ABCC5: variants seen among roughly 807,000 people sequenced by gnomAD.
ABCC5 encodes the protein ATP-binding cassette sub-family C member 5.
A neutral mutation model predicts 160.9 loss-of-function variants in ABCC5; 61 were observed. The ratio of observed to expected loss-of-function variants is 0.38; its 90% CI spans 0.31 to 0.47. ABCC5 has a LOEUF of 0.47. ABCC5 is among the 20% of genes least tolerant of loss of function. ABCC5 has a pLI of 0.99. For missense variants in ABCC5, 1,308 were observed against 1,813.3 expected (o/e 0.72, Z 5.06); for synonymous variants, 666 against 700.6 (o/e 0.95, Z 0.78).
rs572325598 is a variant in ABCC5 at position 183,949,743 on chromosome 3, C to T, written c.3227+10G>A. 3.1e-6 allele frequency: 5 copies of T among 1,613,766 alleles called. No homozygotes were observed. Among genetic ancestry groups the T allele is most frequent in the African/African-American group, 1.3e-5 (1 of 75,058 alleles). ...CCCCTTTGAGGCCTCTAGCCCCCAT[C>T]AGGACAAACCTGTGCAGAAACTCCT... is the stretch of plus-strand genomic sequence containing the variant. On this transcript the variant is annotated intron_variant, in intron 22 of 29. Coordinates refer to ENST00000334444, the MANE Select transcript of ABCC5 (RefSeq NM_005688.4). The surrounding 1 kb of genome is among the most constrained non-coding windows in gnomAD (Gnocchi z 4.2).
At position 183,987,989 on chromosome 3, in the gene ABCC5, C is replaced by G. The variant is rs556476664; in HGVS notation, c.444-72G>C. 12 of 1,550,932 alleles carry G rather than the reference C, an allele frequency of 7.7e-6. No individual in the cohort carries two copies. In the East Asian group the frequency reaches 2.0e-4, roughly 26 times the overall value. ...GCACACCTAGCTCCCCGCCTGCCAC[C>G]ACTTTTTGTCTCCAGGTTTTGCCAC... On this transcript the variant is annotated intron_variant, in intron 4 of 29. Coordinates refer to ENST00000334444, the MANE Select transcript of ABCC5 (RefSeq NM_005688.4). The surrounding 1 kb of genome is among the most constrained non-coding windows in gnomAD (Gnocchi z 4.2).
Position 183,963,661 on chromosome 3 carries a change from T to C in ABCC5, c.2032-73A>G. 3 of 1,469,008 alleles carry C rather than the reference T, an allele frequency of 2.0e-6. No homozygotes were observed. The highest frequency in any genetic ancestry group is 2.8e-6 in the Non-Finnish European group (3 of 1,069,872). The allele number at this position is 1,469,008 out of a possible 1,614,324, so 91.0% of individuals were successfully genotyped here. A position where few individuals can be genotyped will look rare whatever the true frequency, so the allele number is the denominator to read the frequency against. On this transcript the variant is annotated intron_variant, in intron 14 of 29. Transcript: ENST00000334444. This position sits in a 1 kb window ranked among gnomAD's most constrained non-coding sequence, Gnocchi z 4.6. ...CAGCGTGGAGGGGTCACCCAGTCAC[T>C]TCTCTTCTTGCCCACCCAGACCAGC... is the stretch of plus-strand genomic sequence containing the variant.
intron 18 of ABCC5, 75 bp downstream of exon 18, chr3:183,953,011 T>C: frequency 3.4e-6 from 5 of 1,458,430 alleles, no homozygotes; most frequent in Non-Finnish European, 4.6e-6. Context: ...ACAGTTTCCC[T>C]AAGAATAGCC....
rs1160232278 is a variant in ABCC5 at position 183,961,567 on chromosome 3, C to A, written c.2323G>T (p.Gly775Cys). Residue 775 changes from glycine (G) to cysteine (C), a missense_variant, in exon 16 of 30, where the codon GGT becomes TGT. Physicochemically the swap from Gly to Cys is radical, Grantham distance 159. Transcript: ENST00000334444. Reference sequence around the variant, plus strand: ...TTATTAAAAATGGTAGCATAGTCACCATTTAAATTCATCAGTTCCTCATGG... The same window carrying A: ...TTATTAAAAATGGTAGCATAGTCACAATTTAAATTCATCAGTTCCTCATGG... ...GTHEELMNLN[G>C]DYATIFNNLL... 1.2e-5 allele frequency: 19 copies of A among 1,614,090 alleles called. No homozygotes were observed. Among genetic ancestry groups the A allele is most frequent in the Non-Finnish European group, 1.4e-5 (17 of 1,180,046 alleles).
chr3:183,985,730 AT>A (rs1473544645), intron 5 of ABCC5: 1 of 345,084 alleles, frequency 2.9e-6, no homozygotes, highest in Non-Finnish European at 5.6e-6. Flanking sequence ...ACTGTTAGAG[AT>A]TCTGGTACTC....
At chr3:184,001,833 G>T (rs1307798864) in intron 2 of ABCC5, among the ~76,000 whole-genome samples, 1 of 152,082 alleles carries the variant, frequency 6.6e-6, no homozygotes, top group East Asian at 1.9e-4. Flanking sequence ...CAAGATGAGG[G>T]GACCCATTTC....
At chr3:183,999,737 C>T (rs574318468) in intron 2 of ABCC5, among the ~76,000 whole-genome samples, 1 of 152,042 alleles carries the variant, frequency 6.6e-6, no homozygotes, top group Non-Finnish European at 1.5e-5. Context: ...CATGATTGCA[C>T]CTCTGCACCC....
intron 11 of ABCC5, 77 bp downstream of exon 11, chr3:183,971,486 A>G: frequency 2.2e-6 from 3 of 1,382,482 alleles, no homozygotes; most frequent in Non-Finnish European, 2.0e-6. Flanking sequence ...GTGAAAAGGA[A>G]CAGCAGCCGC....
intron 10 of ABCC5, among the ~76,000 whole-genome samples, chr3:183,973,520 CTATCTTAAAGT>C (rs1717954497): frequency 6.6e-6 from 1 of 152,146 alleles, no homozygotes; most frequent in Non-Finnish European, 1.5e-5. Context: ...AACCCCCCAG[CTATCTTAAAGT>C]TTGCAGGTGC....
In ABCC5 at chr3:183,958,458, G is replaced by A. The variant is rs1716427885; in HGVS notation, c.2482+1275C>T. Among the ~76,000 whole-genome samples, 4 of 152,174 alleles carry A rather than the reference G, an allele frequency of 2.6e-5. No individual in the cohort carries two copies. The South Asian group carries it at 8.3e-4, about 31-fold the overall frequency. On this transcript the variant is annotated intron_variant, in intron 17 of 29. Transcript: ENST00000334444. ...ATATTCTGATTTTTTACTGCCCGTG[G>A]TAAGAACTAACAAATGTCTCAGCCT...
intron 11 of ABCC5, among the ~76,000 whole-genome samples, chr3:183,969,705 A>AAAT (rs1717564972): frequency 6.6e-6 from 1 of 151,938 alleles, no homozygotes; most frequent in African/African-American, 2.4e-5. Context: ...AAAAAAAAAA[A>AAAT]AAAAAAAGTT....
chr3:183,931,119 TA>T (rs1362943964), intron 26 of ABCC5, among the ~76,000 whole-genome samples: 25 of 152,208 alleles, frequency 1.6e-4, no homozygotes, highest in Non-Finnish European at 3.5e-4. Context: ...CAATATGCTG[TA>T]ATGAACATTA....
chr3:184,012,775 T>G (rs1441790139), intron 2 of ABCC5, among the ~76,000 whole-genome samples: 1 of 152,196 alleles, frequency 6.6e-6, no homozygotes, highest in African/African-American at 2.4e-5. Context: ...TTGACACTGA[T>G]TACATTAAGC....
Position 183,953,073 on chromosome 3 carries a change from T to C in ABCC5, c.2667+13A>G, listed in dbSNP as rs1478725358. The C allele has an allele frequency of 6.2e-7, 1 of 1,609,856 alleles. No homozygotes were observed. The highest frequency in any genetic ancestry group is 1.3e-5 in the African/African-American group (1 of 74,884). The stretch of plus-strand genomic sequence containing the variant: ...CTTAGACACAGAACTTTCCCATTTA[T>C]GAGTAACCTTACCCCGCTTCCTTGC... On this transcript the variant is annotated intron_variant, in intron 18 of 29. Coordinates refer to ENST00000334444, the MANE Select transcript of ABCC5 (RefSeq NM_005688.4).
chr3:183,967,627 G>C, intron 12 of ABCC5, 68 bp downstream of exon 12: 3 of 1,384,380 alleles, frequency 2.2e-6, no homozygotes, highest in Non-Finnish European at 2.1e-6. Flanking sequence ...CAGGAAATTT[G>C]TTCGTTTTTC....
At position 183,989,228 on chromosome 3, in the gene ABCC5, G is replaced by A. The variant is rs1360532383; in HGVS notation, c.285C>T (p.Ser95=). The A allele has an allele frequency of 6.3e-7, 1 of 1,597,368 alleles. No individual in the cohort carries two copies. Among genetic ancestry groups the A allele is most frequent in the African/African-American group, 1.4e-5 (1 of 73,808 alleles). Residue 95 remains serine (S), a splice_region_variant and synonymous_variant, in exon 3 of 30, where the codon TCC becomes TCT. Coordinates refer to ENST00000334444, the MANE Select transcript of ABCC5 (RefSeq NM_005688.4). The part of the protein sequence containing the change: ...LSALKPIRTT[S]KHQHPVDNAG... Reference sequence around the variant, plus strand: ...CATCACTCAGCACGGCATCTTACTTGGAAGTAGTCCGGATGGGCTTCAGAG... The same window carrying A: ...CATCACTCAGCACGGCATCTTACTTAGAAGTAGTCCGGATGGGCTTCAGAG...
rs1309887382 is a variant in ABCC5, at chr3:183,934,230, C to T, written c.3854+3671G>A. 2.0e-5 allele frequency among the ~76,000 whole-genome samples: 3 copies of T among 152,162 alleles called. 1 individual carries two copies. The East Asian group carries it at 5.8e-4, about 29-fold the overall frequency. On this transcript the variant is annotated intron_variant, in intron 26 of 29. Coordinates refer to ENST00000334444, the MANE Select transcript of ABCC5 (RefSeq NM_005688.4). ...CTGAGGCACGCAAATCACTTGAACC[C>T]AGGAGGCAGAGGTTGCAGTGAGCTG... is the stretch of plus-strand genomic sequence containing the variant.
In ABCC5 at chr3:183,945,883, G is replaced by C. The variant is rs750568717; in HGVS notation, c.3471C>G (p.Phe1157Leu). 2 of 1,614,162 alleles carry C rather than the reference G, an allele frequency of 1.2e-6. No individual in the cohort carries two copies. The highest frequency in any genetic ancestry group is 1.7e-6 in the Non-Finnish European group (2 of 1,180,014). ...VRLASETEAR[F>L]TSVERINHYI... is the part of the protein sequence containing the mutation. ...AGTGATTGATCCTCTCCACCGAGGT[G>C]AATCGAGCTTCTGTCTCAGATGCCA... is the stretch of plus-strand genomic sequence containing the variant. Residue 1157 changes from phenylalanine (F) to leucine (L), a missense_variant, in exon 24 of 30, where the codon TTC becomes TTG. Coordinates refer to ENST00000334444, the MANE Select transcript of ABCC5 (RefSeq NM_005688.4).
At chr3:183,977,746 A>C in intron 9 of ABCC5, 122 bp from the exon 10 acceptor site, 1 of 653,088 alleles carries the variant, frequency 1.5e-6, no homozygotes, top group Non-Finnish European at 2.6e-6. Flanking sequence ...CTGTTATTAC[A>C]AGTCAATTAC....
Sources: allele counts gnomAD v4.1 joint callset (sites outside exome capture counted in the v4.1 genomes callset), GRCh38; gene constraint gnomAD v4.1.1; non-coding constraint Gnocchi (gnomAD v3.1); transcripts MANE v1.5; gene names NCBI Gene and HGNC (gene_info 2026-07-23, HGNC 2026-07-21).